LINGO2: variants seen among roughly 807,000 people sequenced by gnomAD.
LINGO2 encodes the protein leucine-rich repeat and immunoglobulin-like domain-containing nogo receptor-interacting protein 2.
Under a neutral mutation model 30.6 loss-of-function variants are expected in LINGO2, and 14 were observed. The observed-to-expected ratio is 0.46, with a 90% CI of 0.30 to 0.72. The LOEUF (loss-of-function observed/expected upper bound fraction) is 0.72, where lower values mean the gene tolerates loss of function less well. Among genes scored for constraint, LINGO2 ranks in the 30% least tolerant of loss-of-function variants. The pLI is 0.07. For synonymous variants in LINGO2, 317 were observed against 288.5 expected (o/e 1.10, Z -1.00); for missense variants, 729 against 751.7 (o/e 0.97, Z 0.35).
the LINGO2 span, among the ~76,000 whole-genome samples, chr9:28,957,967 T>C: frequency 1.3e-5 from 2 of 152,354 alleles, no homozygotes; most frequent in Admixed American, 6.5e-5. Context: ...GTCCATTTTA[T>C]ATTGAAACTC....
intron 4 of LINGO2, among the ~76,000 whole-genome samples, chr9:28,058,426 CTACAATACA>C (rs901046265): frequency 1.4e-4 from 21 of 152,202 alleles, no homozygotes; most frequent in African/African-American, 4.6e-4. Flanking sequence ...AGAGTGAGTG[CTACAATACA>C]TAGGTATAAA....
At chr9:28,424,474 C>T (rs774010891) in intron 2 of LINGO2, among the ~76,000 whole-genome samples, 6 of 152,126 alleles carry the variant, frequency 3.9e-5, no homozygotes, top group Admixed American at 6.6e-5. Flanking sequence ...GACAACACAA[C>T]AACTAACAGC....
At chr9:28,752,534 C>T in the LINGO2 span, among the ~76,000 whole-genome samples, 2 of 151,988 alleles carry the variant, frequency 1.3e-5, no homozygotes, top group Non-Finnish European at 2.9e-5. Flanking sequence ...AAATTTTCCA[C>T]AGAAGAAATT....
intron 2 of LINGO2, among the ~76,000 whole-genome samples, chr9:28,413,550 C>A (rs537221388): frequency 6.6e-6 from 1 of 152,230 alleles, no homozygotes; most frequent in South Asian, 2.1e-4. Context: ...GCTCTCTGGG[C>A]TTAATTTTCT....
chr9:27,992,145 T>C (rs555820281), intron 5 of LINGO2, among the ~76,000 whole-genome samples: 1 of 151,786 alleles, frequency 6.6e-6, no homozygotes, highest in African/African-American at 2.4e-5. Context: ...CACCATCAGG[T>C]TGATGAATTT....
At chr9:29,167,444 G>C in the LINGO2 span, among the ~76,000 whole-genome samples, 4 of 152,054 alleles carry the variant, frequency 2.6e-5, no homozygotes, top group Non-Finnish European at 5.9e-5. Flanking sequence ...CAAAATAAGA[G>C]AGAACCAAAG....
rs537323638 is a variant in LINGO2, at chr9:28,033,358, G to A, written c.-86-20953C>T. 2.2e-4 allele frequency among the ~76,000 whole-genome samples: 34 copies of A among 152,246 alleles called. 1 individual carries two copies. Among genetic ancestry groups the A allele is most frequent in the African/African-American group, 7.7e-4 (32 of 41,564 alleles). ...GAAATGGGAGCATGTTGGAGACACT[G>A]TGGCAATGCTAGGGAGGGGGATCTC... On this transcript the variant is annotated intron_variant, in intron 4 of 5. Coordinates refer to ENST00000379992, the Ensembl canonical transcript of LINGO2.
the LINGO2 span, among the ~76,000 whole-genome samples, chr9:29,154,342 C>T: frequency 1.3e-5 from 2 of 149,710 alleles, no homozygotes; most frequent in East Asian, 2.0e-4. Flanking sequence ...CCCAGCTACT[C>T]GGGAGGCTGA....
chr9:28,919,014 C>T, the LINGO2 span, among the ~76,000 whole-genome samples: 3 of 152,158 alleles, frequency 2.0e-5, no homozygotes, highest in African/African-American at 7.2e-5. Context: ...ATAGAGGCTT[C>T]AGCTTCAATC....
chr9:28,685,005 CCA>C, the LINGO2 span, among the ~76,000 whole-genome samples: 1 of 152,056 alleles, frequency 6.6e-6, no homozygotes, highest in African/African-American at 2.4e-5. Flanking sequence ...CAAGTAGGCC[CCA>C]GTGTCTGTCG....
intron 2 of LINGO2, among the ~76,000 whole-genome samples, chr9:28,413,217 AAT>A (rs1356923802): frequency 2.6e-5 from 4 of 152,066 alleles, no homozygotes; most frequent in Non-Finnish European, 5.9e-5. Flanking sequence ...CTGTGCAGGG[AAT>A]AAATAACCCT....
chr9:29,153,093 G>C, the LINGO2 span, among the ~76,000 whole-genome samples: 1 of 152,000 alleles, frequency 6.6e-6, no homozygotes, highest in Non-Finnish European at 1.5e-5. Context: ...TTAATGAATA[G>C]ATTAAGTTTT....
chr9:29,174,734 G>A, the LINGO2 span, among the ~76,000 whole-genome samples: 1 of 152,340 alleles, frequency 6.6e-6, no homozygotes, highest in Middle Eastern at 3.4e-3. Context: ...CAAAGGCCTG[G>A]ATACAGGATC....
intron 4 of LINGO2, among the ~76,000 whole-genome samples, chr9:28,274,812 CT>C (rs1823059807): frequency 6.6e-6 from 1 of 152,168 alleles, no homozygotes; most frequent in Admixed American, 6.5e-5. Flanking sequence ...CCAGTTACTA[CT>C]GGTACCTTTT....
At chr9:28,443,230 A>C (rs1008903004) in intron 2 of LINGO2, among the ~76,000 whole-genome samples, 3 of 152,246 alleles carry the variant, frequency 2.0e-5, no homozygotes, top group African/African-American at 7.2e-5. Context: ...TAACAATAAC[A>C]ATAATAAAAG....
chr9:28,060,161 A>G (rs1221107445), intron 4 of LINGO2, among the ~76,000 whole-genome samples: 3 of 152,172 alleles, frequency 2.0e-5, no homozygotes, highest in African/African-American at 7.2e-5. Flanking sequence ...CACTTGACCA[A>G]AAGTGGATAC....
At chr9:28,962,686 A>G in the LINGO2 span, among the ~76,000 whole-genome samples, 1 of 151,888 alleles carries the variant, frequency 6.6e-6, no homozygotes, top group Admixed American at 6.6e-5. Context: ...TTTGCTCTAA[A>G]TAATTTACTA....
At chr9:28,452,438 G>C (rs889042954) in intron 2 of LINGO2, among the ~76,000 whole-genome samples, 5 of 151,742 alleles carry the variant, frequency 3.3e-5, no homozygotes, top group African/African-American at 1.2e-4. Context: ...TACTCTTAAA[G>C]ACTCACAATA....
the LINGO2 span, among the ~76,000 whole-genome samples, chr9:28,969,761 G>T: frequency 6.6e-6 from 1 of 152,154 alleles, no homozygotes; most frequent in Non-Finnish European, 1.5e-5. Flanking sequence ...GGAGATTCAA[G>T]AATGATTCTT....
Sources: allele counts gnomAD v4.1 joint callset (sites outside exome capture counted in the v4.1 genomes callset), GRCh38; gene constraint gnomAD v4.1.1; transcripts MANE v1.5; gene names NCBI Gene and HGNC (gene_info 2026-07-23, HGNC 2026-07-21).